Variants in FANCA observed in about 807,000 individuals in gnomAD.
The protein encoded by FANCA is FA complementation group A, also known as Fanconi anemia group A protein.
A neutral mutation model predicts 194.3 loss-of-function variants in FANCA; 236 were observed. That is an observed-to-expected ratio of 1.21 (90% confidence interval 1.09 to 1.35). FANCA has a LOEUF of 1.35. FANCA is among the 40% of genes most tolerant of loss of function. The pLI is 0.00. For synonymous variants in FANCA, 1,014 were observed against 715.8 expected, an observed-to-expected ratio of 1.42 and a Z score of -6.65; for missense variants, 2,628 against 1,813.9, an observed-to-expected ratio of 1.45 and a Z score of -8.15.
At chr16:89,748,449 C>T (rs960855003) in intron 33 of FANCA, among the ~76,000 whole-genome samples, 6 of 152,228 alleles carry the variant, frequency 3.9e-5, no homozygotes, top group African/African-American at 1.4e-4. Flanking sequence ...GAGAAGGCAA[C>T]CTACAGCTGG....
At chr16:89,765,300 A>G (rs950835163) in intron 27 of FANCA, among the ~76,000 whole-genome samples, 1 of 151,708 alleles carries the variant, frequency 6.6e-6, no homozygotes, top group Non-Finnish European at 1.5e-5. Flanking sequence ...ACCTCAGTCC[A>G]GCCCTTGGGA....
rs756314107 is a variant in FANCA at position 89,765,050 on chromosome 16, A to C, written c.2618T>G (p.Phe873Cys). ...GLIKKFQFLM[F>C]RLFSEARQPL... is the part of the protein sequence containing the mutation. Reference sequence around the variant, plus strand: ...CTGTCGGGCCTCTGAGAACAATCTGAACATGAGGAACTGAAACTGAAACAG... The same window carrying C: ...CTGTCGGGCCTCTGAGAACAATCTGCACATGAGGAACTGAAACTGAAACAG... Residue 873 changes from phenylalanine to cysteine, a missense_variant, in exon 28 of 43, where the codon TTC (phenylalanine) becomes TGC (cysteine). Physicochemically the swap from Phe to Cys is radical, Grantham distance 205. Coordinates refer to ENST00000389301, the MANE Select transcript of FANCA (RefSeq NM_000135.4). 5 of 1,614,192 alleles carry C rather than the reference A, an allele frequency of 3.1e-6. No individual in the cohort carries two copies. In the Admixed American group the frequency reaches 6.7e-5, roughly 22 times the overall value.
At chr16:89,750,360 G>A (rs1336061426) in intron 31 of FANCA, among the ~76,000 whole-genome samples, 1 of 152,170 alleles carries the variant, frequency 6.6e-6, no homozygotes, top group Non-Finnish European at 1.5e-5. Flanking sequence ...GCGGGTGCCT[G>A]TAGTCCCAGC....
intron 33 of FANCA, among the ~76,000 whole-genome samples, chr16:89,748,197 C>T (rs2038457366): frequency 6.6e-6 from 1 of 152,244 alleles, no homozygotes. Context: ...TGAGCCACCG[C>T]ACCCAGCCTG....
intron 38 of FANCA, 148 bp downstream of exon 38, chr16:89,740,656 C>G: frequency 1.6e-6 from 1 of 637,762 alleles, no homozygotes; most frequent in Middle Eastern, 3.9e-4. Context: ...AAAAAAAAAC[C>G]CACGGCCTGG....
intron 15 of FANCA, 46 bp from the exon 16 acceptor site, chr16:89,783,148 C>T: frequency 6.9e-7 from 1 of 1,450,372 alleles, no homozygotes; most frequent in Non-Finnish European, 9.7e-7. Context: ...TGGGAACTGC[C>T]TGGGACTCCA....
rs757027924 is a variant in FANCA, at chr16:89,771,777, C to CA, written c.2051dup (p.Arg685GlufsTer8). The CA allele has an allele frequency of 2.5e-6, 4 of 1,613,970 alleles. No homozygotes were observed. In the South Asian group the frequency reaches 4.4e-5, roughly 18 times the overall value. ...CCTCATTGTGGCCCAGGACAGCCCTCAGTCTTTCAGAAATCACTGCCACCT... is the reference window on the plus strand; with the variant it reads ...CCTCATTGTGGCCCAGGACAGCCCTCAAGTCTTTCAGAAATCACTGCCACCT... On this transcript the variant is annotated frameshift_variant, in exon 23 of 43. Transcript: ENST00000389301. LOFTEE classifies it high-confidence loss of function.
rs769550029 is a variant in FANCA at position 89,778,927 on chromosome 16, G to A, written c.1776+16C>T. ...TCTACACAACTGGTCACAAACTCAT[G>A]GAGACGCATACTGACCACTCGAGGT... On this transcript the variant is annotated intron_variant, in intron 19 of 42. Coordinates refer to ENST00000389301, the MANE Select transcript of FANCA (RefSeq NM_000135.4). The A allele has an allele frequency of 3.7e-6, 6 of 1,614,140 alleles. No individual in the cohort carries two copies. In the Admixed American group the frequency reaches 6.7e-5, roughly 18 times the overall value.
Position 89,783,057 on chromosome 16 carries a change from G to A in FANCA, c.1516C>T (p.Leu506Phe). The change falls in exon 16 of 43, where the codon CTC becomes TTC. Residue 506 changes from leucine (L) to phenylalanine (F), a missense_variant. By Grantham distance (22) the Leu-to-Phe change is conservative. Transcript: ENST00000389301. ...PPLVPGKYRS[L>F]LTDYISLAKT... ...GCCAATGAGATGTAGTCTGTGAGGA[G>A]GGAGCGGTACTTGCCGGGAACCAGG... 2 of 1,613,986 alleles carry A rather than the reference G, an allele frequency of 1.2e-6. No individual in the cohort carries two copies. The highest frequency in any genetic ancestry group is 2.2e-5 in the East Asian group (1 of 44,866).
intron 26 of FANCA, among the ~76,000 whole-genome samples, chr16:89,769,535 C>T (rs978117503): frequency 1.3e-5 from 2 of 152,172 alleles, no homozygotes; most frequent in East Asian, 1.9e-4. Flanking sequence ...GGGACCAAGA[C>T]AAAACAAAGC....
chr16:89,739,207 C>G lies in FANCA; in HGVS notation c.4093G>C (p.Val1365Leu), dbSNP rs529210242. ...GTATCCCCAGCCACGAAGAGCTGGA[C>G]CAGCTTCAAGTACATGTCCACAGCA... is the stretch of plus-strand genomic sequence containing the variant. ...HVAVDMYLKL[V>L]QLFVAGDTST... is the part of the protein sequence containing the mutation. Residue 1365 changes from valine to leucine, a missense_variant, in exon 41 of 43, where the codon GTC becomes CTC. Transcript: ENST00000389301. 26 of 1,614,142 alleles carry G rather than the reference C, an allele frequency of 1.6e-5. No homozygotes were observed. In the South Asian group the frequency reaches 2.5e-4, roughly 16 times the overall value.
chr16:89,746,826 C>A lies in FANCA; in HGVS notation c.3408+5G>T. The A allele has an allele frequency of 6.4e-7, 1 of 1,567,002 alleles. No homozygotes were observed. The highest frequency in any genetic ancestry group is 8.7e-7 in the Non-Finnish European group (1 of 1,154,764). On this transcript the variant is annotated splice_donor_5th_base_variant and intron_variant, in intron 34 of 42. Transcript: ENST00000389301. ...GCCACGAGAGGGGCTGAGGGAGCAT[C>A]TCACCCTGAAGAAGTGGGCAGTGAT...
chr16:89,738,582 T>A lies in FANCA; in HGVS notation c.*19A>T. 1.9e-6 allele frequency: 3 copies of A among 1,613,150 alleles called. No individual in the cohort carries two copies. The highest frequency in any genetic ancestry group is 2.5e-6 in the Non-Finnish European group (3 of 1,180,022). On this transcript the variant is annotated 3_prime_UTR_variant, in exon 43 of 43. Transcript: ENST00000389301. The stretch of plus-strand genomic sequence containing the variant: ...ATTATTTACACGGGAGCTGGGCTGG[T>A]GTGCAGTGGCAGGTCCCGTCAGAAG...
intron 14 of FANCA, among the ~76,000 whole-genome samples, chr16:89,786,004 C>G (rs1252075736): frequency 1.8e-4 from 26 of 148,226 alleles, no homozygotes; most frequent in African/African-American, 6.3e-4. Context: ...CATTTGCTAC[C>G]ACTCCCAGCT....
chr16:89,753,120 A>C (rs1271836976), intron 30 of FANCA, among the ~76,000 whole-genome samples: 2 of 152,214 alleles, frequency 1.3e-5, no homozygotes, highest in Non-Finnish European at 2.9e-5. Context: ...GATATGCAGA[A>C]ATAATGGCGT....
At chr16:89,785,716 G>C (rs1160985512) in intron 14 of FANCA, among the ~76,000 whole-genome samples, 1 of 152,124 alleles carries the variant, frequency 6.6e-6, no homozygotes, top group Non-Finnish European at 1.5e-5. Context: ...AACCAGACGA[G>C]CTCCTGCCAC....
rs537435838 is a variant in FANCA, at chr16:89,805,330, T to G, written c.659A>C (p.Gln220Pro). 6.2e-7 allele frequency: 1 copy of G among 1,614,072 alleles called. No individual in the cohort carries two copies. Among genetic ancestry groups the G allele is most frequent in the Non-Finnish European group, 8.5e-7 (1 of 1,179,992 alleles). ...LFRNLCCLCE[Q>P]MEASCQHADV... The stretch of plus-strand genomic sequence containing the variant: ...AGCATGCTGGCAGGATGCTTCCATC[T>G]GTTCACAAAGGCAGCACAGATTCCT... Residue 220 changes from glutamine (Q) to proline (P), a missense_variant, in exon 7 of 43, where the codon CAG becomes CCG. Transcript: ENST00000389301.
intron 15 of FANCA, among the ~76,000 whole-genome samples, chr16:89,784,490 C>T (rs375886671): frequency 3.3e-5 from 5 of 151,708 alleles, no homozygotes; most frequent in South Asian, 4.2e-4. Flanking sequence ...GCTCTTCCTG[C>T]GTAACTGGGT....
chr16:89,759,059 G>A (rs961799944), intron 29 of FANCA, among the ~76,000 whole-genome samples: 2 of 152,028 alleles, frequency 1.3e-5, no homozygotes, highest in Non-Finnish European at 2.9e-5. Context: ...AGTGGCTCAT[G>A]CCTGTAATCC....
Sources: allele counts gnomAD v4.1 joint callset (sites outside exome capture counted in the v4.1 genomes callset), GRCh38; gene constraint gnomAD v4.1.1; transcripts MANE v1.5; gene names NCBI Gene and HGNC (gene_info 2026-07-23, HGNC 2026-07-21).